SAMD5: variants seen among roughly 807,000 people sequenced by gnomAD.
SAMD5 encodes the protein sterile alpha motif domain-containing protein 5.
In SAMD5, 13 loss-of-function variants were observed where a neutral mutation model predicts 11.3. The observed-to-expected ratio is 1.15, with a 90% confidence interval of 0.75 to 1.83. SAMD5 has a LOEUF of 1.83. SAMD5 is among the 40% of genes most tolerant of loss of function. The probability of loss-of-function intolerance (pLI) is 0.00; values close to 1 mark genes in which losing one functional copy is unlikely to be tolerated. For missense variants in SAMD5, 255 were observed against 239.1 expected, an observed-to-expected ratio of 1.07 and a Z score of -0.44; for synonymous variants, 129 against 111.3, an observed-to-expected ratio of 1.16 and a Z score of -1.00.
At chr6:147,606,769 A>T (rs1789708098) in intron 1 of SAMD5, among the ~76,000 whole-genome samples, 1 of 151,984 alleles carries the variant, frequency 6.6e-6, no homozygotes. Flanking sequence ...TTTATAGTTC[A>T]CTTTGCAGAT....
intron 1 of SAMD5, among the ~76,000 whole-genome samples, chr6:147,533,937 C>T (rs1788468618): frequency 6.6e-6 from 1 of 152,196 alleles, no homozygotes; most frequent in South Asian, 2.1e-4. Flanking sequence ...AAACTATTCA[C>T]AACAATGTCT....
the SAMD5 span, among the ~76,000 whole-genome samples, chr6:147,748,279 A>G: frequency 6.6e-6 from 1 of 152,194 alleles, no homozygotes; most frequent in South Asian, 2.1e-4. Flanking sequence ...AGACTGTGGC[A>G]CATTCATCGT....
At chr6:147,730,427 G>C (rs1791697721) in intron 1 of SAMD5, among the ~76,000 whole-genome samples, 1 of 152,124 alleles carries the variant, frequency 6.6e-6, no homozygotes, top group African/African-American at 2.4e-5. Context: ...TTGGATTCTG[G>C]ATATTTTTGA....
the SAMD5 span, among the ~76,000 whole-genome samples, chr6:147,759,069 G>A: frequency 6.6e-6 from 1 of 152,132 alleles, no homozygotes; most frequent in African/African-American, 2.4e-5. Context: ...TAGTAACTGC[G>A]GTAGGCAATG....
intron 1 of SAMD5, among the ~76,000 whole-genome samples, chr6:147,616,131 T>TATATATTTATTCA (rs1789864106): frequency 2.3e-5 from 3 of 128,362 alleles, no homozygotes; most frequent in Non-Finnish European, 5.1e-5. Context: ...GATTATTTCA[T>TATATATTTATTCA]TATATATTTC....
At chr6:147,541,314 T>A (rs1788600924) in intron 1 of SAMD5, among the ~76,000 whole-genome samples, 1 of 152,202 alleles carries the variant, frequency 6.6e-6, no homozygotes, top group Non-Finnish European at 1.5e-5. Context: ...GCAAGATTCT[T>A]AATTTGCAAG....
At chr6:147,947,494 T>C in the SAMD5 span, 3 of 152,234 alleles carry the variant, frequency 2.0e-5, no homozygotes, top group South Asian at 4.1e-4. Flanking sequence ...TTATCTTCAT[T>C]GCTTCAGGGA....
chr6:147,798,183 C>T, the SAMD5 span, among the ~76,000 whole-genome samples: 1 of 146,362 alleles, frequency 6.8e-6, no homozygotes, highest in Non-Finnish European at 1.5e-5. Flanking sequence ...TGGATCTTTC[C>T]TGCTTTCTCT....
chr6:147,943,259 C>A, the SAMD5 span, among the ~76,000 whole-genome samples: 2 of 152,170 alleles, frequency 1.3e-5, no homozygotes, highest in South Asian at 2.1e-4. Context: ...TCTTTGAATG[C>A]CAAATGTTGT....
chr6:147,700,573 A>G (rs1791239154), intron 1 of SAMD5, among the ~76,000 whole-genome samples: 1 of 135,674 alleles, frequency 7.4e-6, no homozygotes, highest in South Asian at 2.5e-4. Flanking sequence ...TTGCCTCTGT[A>G]TCTCAGGCCC....
rs558919487 is a variant in SAMD5, at chr6:147,699,786, A to G, written c.163-37531A>G. On this transcript the variant is annotated intron_variant, in intron 1 of 1. Transcript: ENST00000566741. ...CAAAACAGTTCAGGGTGTAATTTAC[A>G]TGACTCAAGATGAGCAAGACTCAGG... 1.2e-4 allele frequency among the ~76,000 whole-genome samples: 18 copies of G among 152,336 alleles called. No homozygotes were observed. In the South Asian group the frequency reaches 2.9e-3, roughly 25 times the overall value.
chr6:147,889,782 G>T, the SAMD5 span, among the ~76,000 whole-genome samples: 1 of 152,160 alleles, frequency 6.6e-6, no homozygotes, highest in Non-Finnish European at 1.5e-5. Context: ...TCTGATCTTT[G>T]GGGTGAACAT....
chr6:147,674,294 G>A (rs1366901432), intron 1 of SAMD5, among the ~76,000 whole-genome samples: 1 of 152,118 alleles, frequency 6.6e-6, no homozygotes, highest in Non-Finnish European at 1.5e-5. Context: ...ACAGAAGCAT[G>A]TGCCTCTTGG....
chr6:147,531,543 C>T (rs1396970459), intron 1 of SAMD5, among the ~76,000 whole-genome samples: 1 of 152,168 alleles, frequency 6.6e-6, no homozygotes, highest in Admixed American at 6.5e-5. Context: ...GAGTGTTGCT[C>T]TGAATGGAAT....
the SAMD5 span, among the ~76,000 whole-genome samples, chr6:147,806,991 G>A: frequency 3.4e-5 from 5 of 148,846 alleles, no homozygotes; most frequent in Non-Finnish European, 5.9e-5. Flanking sequence ...CTGCAGGGGA[G>A]TAAAAGAGTC....
chr6:147,603,300 T>C (rs1270407434), intron 1 of SAMD5, among the ~76,000 whole-genome samples: 1 of 152,218 alleles, frequency 6.6e-6, no homozygotes, highest in Non-Finnish European at 1.5e-5. Context: ...ATATTTTCAG[T>C]GCCCTATACA....
the SAMD5 span, among the ~76,000 whole-genome samples, chr6:147,936,273 G>C: frequency 6.6e-6 from 1 of 152,228 alleles, no homozygotes; most frequent in Admixed American, 6.5e-5. Context: ...ACCTGTGACT[G>C]AGTAATTTAT....
chr6:147,790,604 G>A, the SAMD5 span, among the ~76,000 whole-genome samples: 1 of 152,148 alleles, frequency 6.6e-6, no homozygotes, highest in African/African-American at 2.4e-5. Context: ...CTTTGGGTGT[G>A]TCTGTGAGGG....
chr6:147,514,578 A>G (rs1186664092), intron 1 of SAMD5, among the ~76,000 whole-genome samples: 2 of 151,922 alleles, frequency 1.3e-5, no homozygotes, highest in Non-Finnish European at 2.9e-5. Context: ...GAATCTCATC[A>G]TGTCTAGCAG....
Sources: gnomAD v4.1 joint callset for allele counts (sites outside exome capture counted in the v4.1 genomes callset) on GRCh38, gnomAD v4.1.1 for gene constraint, MANE v1.5 for transcripts, NCBI Gene and HGNC (gene_info 2026-07-23, HGNC 2026-07-21) for gene names.